RARB: variants seen among roughly 807,000 people sequenced by gnomAD.
The protein encoded by RARB is retinoic acid receptor beta, also known as HBV-activated protein.
In RARB, 17 loss-of-function variants were observed where a neutral mutation model predicts 51.9. The ratio of observed to expected loss-of-function variants is 0.33; its 90% CI spans 0.22 to 0.49. The LOEUF (loss-of-function observed/expected upper bound fraction) is 0.49. Among genes scored for constraint, RARB ranks in the 20% least tolerant of loss-of-function variants. The pLI, the probability that RARB is intolerant of heterozygous loss-of-function variation, is 0.99. For synonymous variants in RARB, 215 were observed against 195.4 expected, an observed-to-expected ratio of 1.10 and a Z score of -0.84; for missense variants, 369 against 550.8, an observed-to-expected ratio of 0.67 and a Z score of 3.30.
intron 2 of RARB, among the ~76,000 whole-genome samples, chr3:24,908,607 A>G (rs760493932): frequency 6.6e-6 from 1 of 151,682 alleles, no homozygotes; most frequent in East Asian, 1.9e-4. Context: ...AAATGACTAG[A>G]TAAACATAAA....
intron 1 of RARB, chr3:25,458,432 TAGAC>T (rs1434415160): frequency 6.6e-6 from 1 of 152,220 alleles, no homozygotes; most frequent in Admixed American, 6.5e-5. Flanking sequence ...AGATTTTTAA[TAGAC>T]AGTGATACAT....
chr3:25,306,511 A>G (rs1170243617), intron 5 of RARB, among the ~76,000 whole-genome samples: 2 of 152,126 alleles, frequency 1.3e-5, no homozygotes, highest in African/African-American at 2.4e-5. Context: ...TTAAAAAAAA[A>G]AAAGACTTAG....
chr3:25,339,394 C>T (rs1388664981), intron 5 of RARB, among the ~76,000 whole-genome samples: 2 of 152,176 alleles, frequency 1.3e-5, no homozygotes, highest in Non-Finnish European at 2.9e-5. Flanking sequence ...AAACACTGAG[C>T]TGTAACCAAT....
intron 1 of RARB, among the ~76,000 whole-genome samples, chr3:25,448,642 T>A (rs1709055436): frequency 6.6e-6 from 1 of 152,076 alleles, no homozygotes; most frequent in Non-Finnish European, 1.5e-5. Flanking sequence ...TAATTTTGTA[T>A]TGTTAGTAGA....
Position 25,501,259 on chromosome 3 carries a change from C to A in RARB, c.384C>A (p.Val128=), listed in dbSNP as rs780556731. ...HRDKNCVINK[V]TRNRCQYCRL... Reference sequence around the variant, plus strand: ...ATAAGAACTGTGTTATTAATAAAGTCACCAGGAATCGATGCCAATACTGTC... The same window carrying A: ...ATAAGAACTGTGTTATTAATAAAGTAACCAGGAATCGATGCCAATACTGTC... Residue 128 remains valine (V), a synonymous_variant, in exon 3 of 8, where the codon GTC becomes GTA. Coordinates refer to ENST00000330688, the MANE Select transcript of RARB (RefSeq NM_000965.5). 1 of 1,610,820 alleles carries A rather than the reference C, an allele frequency of 6.2e-7. No homozygotes were observed. The highest frequency in any genetic ancestry group is 1.1e-5 in the South Asian group (1 of 90,496).
intron 5 of RARB, among the ~76,000 whole-genome samples, chr3:25,212,903 C>A (rs919583621): frequency 6.6e-6 from 1 of 152,182 alleles, no homozygotes; most frequent in South Asian, 2.1e-4. Context: ...AAAGGTCGCT[C>A]ACTTGGGAGC....
In RARB at chr3:24,937,349, C is replaced by A. The variant is rs186753163; in HGVS notation, c.-380+78597C>A. ...GCTGGAGAGGGGCCATCAACACACC[C>A]AGTTCTCTTGCATGAAGAGTCTACC... On this transcript the variant is annotated intron_variant, in intron 2 of 11. Coordinates refer to the RARB transcript ENST00000383772. Among the ~76,000 whole-genome samples, 199 of 152,234 alleles carry A rather than the reference C, an allele frequency of 1.3e-3. 1 individual carries two copies. The highest frequency in any genetic ancestry group is 4.2e-3 in the African/African-American group (173 of 41,532).
intron 2 of RARB, among the ~76,000 whole-genome samples, chr3:24,921,435 A>G (rs1695214384): frequency 6.6e-6 from 1 of 152,038 alleles, no homozygotes; most frequent in Non-Finnish European, 1.5e-5. Context: ...TCTGGAGCAC[A>G]TTTTTTGTCT....
At chr3:25,305,626 G>C (rs1704136525) in intron 5 of RARB, among the ~76,000 whole-genome samples, 1 of 152,156 alleles carries the variant, frequency 6.6e-6, no homozygotes, top group African/African-American at 2.4e-5. Context: ...ACAGATATCA[G>C]GCAGGCCAGC....
chr3:25,020,924 G>A (rs911122483), intron 2 of RARB, among the ~76,000 whole-genome samples: 2 of 152,150 alleles, frequency 1.3e-5, no homozygotes, highest in African/African-American at 4.8e-5. Context: ...AGCCGAGATC[G>A]TGCCACTGCA....
At position 24,942,658 on chromosome 3, in the gene RARB, A is replaced by G. The variant is rs569165870; in HGVS notation, c.-380+83906A>G. Among the ~76,000 whole-genome samples, 5 of 152,344 alleles carry G rather than the reference A, an allele frequency of 3.3e-5. No individual in the cohort carries two copies. In the South Asian group the frequency reaches 1.0e-3, roughly 32 times the overall value. ...CATCTTTGTAGTCAAGTTCATTTCA[A>G]TTCTGAGTATCAAATGGTATTATCT... On this transcript the variant is annotated intron_variant, in intron 2 of 11. Coordinates refer to the RARB transcript ENST00000383772.
At chr3:25,420,572 G>C (rs943044530) in intron 5 of RARB, among the ~76,000 whole-genome samples, 3 of 152,112 alleles carry the variant, frequency 2.0e-5, no homozygotes, top group Admixed American at 2.0e-4. Context: ...TTCTTTTCAA[G>C]GATTCTAGAG....
chr3:25,062,359 C>G (rs75284903), intron 3 of RARB, among the ~76,000 whole-genome samples: 2,988 of 151,980 alleles, frequency 0.02, 89 homozygotes, highest in African/African-American at 0.055. Flanking sequence ...AATCTCTACT[C>G]TTATTCCTTG....
intron 2 of RARB, among the ~76,000 whole-genome samples, chr3:24,873,594 C>T (rs776490899): frequency 3.3e-5 from 5 of 151,210 alleles, no homozygotes; most frequent in Non-Finnish European, 7.4e-5. Flanking sequence ...AATTCCTGTC[C>T]ATATTTTTAT....
At chr3:25,194,448 GTAA>G (rs1425468628) in intron 5 of RARB, among the ~76,000 whole-genome samples, 1 of 150,698 alleles carries the variant, frequency 6.6e-6, no homozygotes, top group Non-Finnish European at 1.5e-5. Flanking sequence ...CTTGACAGTA[GTAA>G]TCAAATAGTA....
Position 25,129,637 on chromosome 3 carries a change from G to T in RARB, c.-327-2524G>T, listed in dbSNP as rs139602312. Among the ~76,000 whole-genome samples the T allele has an allele frequency of 8.8e-3, 1,332 of 152,024 alleles. 24 individuals are homozygous for T. The highest frequency in any genetic ancestry group is 0.031 in the African/African-American group (1,270 of 41,504). ...AGAGTATGACTCATCTCTATCATCT[G>T]ATTGGTATTTAATAAATATTTGTTG... On this transcript the variant is annotated intron_variant, in intron 3 of 11. Coordinates refer to the RARB transcript ENST00000383772.
At chr3:25,185,657 C>A (rs1006795817) in intron 5 of RARB, among the ~76,000 whole-genome samples, 1 of 151,914 alleles carries the variant, frequency 6.6e-6, no homozygotes, top group Admixed American at 6.6e-5. Flanking sequence ...TATTAGAATG[C>A]CAAAACAGGA....
intron 2 of RARB, among the ~76,000 whole-genome samples, chr3:25,022,271 A>T (rs1320659570): frequency 1.3e-5 from 2 of 152,166 alleles, no homozygotes; most frequent in Admixed American, 1.3e-4. Flanking sequence ...AGGGTAACCA[A>T]TATCTGGACT....
intron 2 of RARB, among the ~76,000 whole-genome samples, chr3:24,995,746 G>T (rs2125438079): frequency 6.6e-6 from 1 of 151,828 alleles, no homozygotes; most frequent in South Asian, 2.1e-4. Flanking sequence ...GTACTTTATT[G>T]ATGTGATTAA....
Sources: gnomAD v4.1 joint callset for allele counts (sites outside exome capture counted in the v4.1 genomes callset) on GRCh38, gnomAD v4.1.1 for gene constraint, MANE v1.5 for transcripts, NCBI Gene and HGNC (gene_info 2026-07-23, HGNC 2026-07-21) for gene names.